The following SAMMSON variants were observed in gnomAD, a reference collection of about 807,000 sequenced individuals.
SAMMSON encodes the protein long intergenic non-protein coding RNA 1212.
chr3:70,417,228 G>A (rs1239971962), intron 2 of SAMMSON, among the ~76,000 whole-genome samples: 1 of 152,082 alleles, frequency 6.6e-6, no homozygotes, highest in Non-Finnish European at 1.5e-5. Context: ...ATTAGGTTTG[G>A]TCAGCCTACT....
chr3:70,258,022 T>C (rs1163816033), intron 6 of SAMMSON, among the ~76,000 whole-genome samples: 2 of 152,156 alleles, frequency 1.3e-5, no homozygotes, highest in African/African-American at 2.4e-5. Context: ...GGTAATTAAA[T>C]GGGGGAAATG....
At chr3:70,121,490 T>C (rs992745805) in intron 4 of SAMMSON, among the ~76,000 whole-genome samples, 11 of 152,202 alleles carry the variant, frequency 7.2e-5, no homozygotes, top group African/African-American at 2.7e-4. Context: ...ACATTTACTT[T>C]AAAGAATTTT....
At chr3:70,430,599 A>G in intron 2 of SAMMSON, among the ~76,000 whole-genome samples, 1 of 152,156 alleles carries the variant, frequency 6.6e-6, no homozygotes, top group East Asian at 1.9e-4. Context: ...TGGTGAAGCC[A>G]AAGAAGAAGC....
intron 3 of SAMMSON, among the ~76,000 whole-genome samples, chr3:70,038,302 T>G (rs1383544670): frequency 6.6e-6 from 1 of 152,116 alleles, no homozygotes; most frequent in African/African-American, 2.4e-5. Flanking sequence ...CCCACAAGAA[T>G]GAGTTGTTAA....
chr3:70,002,250 G>C (rs1576090870), intron 1 of SAMMSON, among the ~76,000 whole-genome samples: 1 of 152,256 alleles, frequency 6.6e-6, no homozygotes, highest in East Asian at 1.9e-4. Context: ...AAATGCAACT[G>C]CTGGGTCAAA....
At chr3:70,010,578 C>G (rs946169838) in intron 1 of SAMMSON, among the ~76,000 whole-genome samples, 1 of 152,214 alleles carries the variant, frequency 6.6e-6, no homozygotes, top group South Asian at 2.1e-4. Context: ...GTTAAAACCC[C>G]AACTTCCTGT....
intron 3 of SAMMSON, among the ~76,000 whole-genome samples, chr3:70,047,020 C>G (rs939727075): frequency 1.3e-5 from 2 of 152,070 alleles, no homozygotes; most frequent in Non-Finnish European, 2.9e-5. Context: ...GTTACACCTG[C>G]GAATTCCCTT....
chr3:70,170,579 C>CTTTTT (rs538385626), intron 4 of SAMMSON, among the ~76,000 whole-genome samples: 23 of 105,484 alleles, frequency 2.2e-4, no homozygotes, highest in East Asian at 2.9e-4. Flanking sequence ...CTAGATTTTC[C>CTTTTT]TTTTTTTTTT....
At chr3:70,006,123 C>T (rs2066925334) in intron 1 of SAMMSON, among the ~76,000 whole-genome samples, 1 of 152,156 alleles carries the variant, frequency 6.6e-6, no homozygotes, top group African/African-American at 2.4e-5. Context: ...TCCCTAAAAC[C>T]TTGCCTGTGC....
chr3:70,202,562 A>C (rs887173798), intron 4 of SAMMSON, among the ~76,000 whole-genome samples: 2 of 152,128 alleles, frequency 1.3e-5, no homozygotes, highest in Non-Finnish European at 2.9e-5. Context: ...GGCTCTAATC[A>C]CTGCTATTGA....
intron 7 of SAMMSON, among the ~76,000 whole-genome samples, chr3:70,340,776 C>A (rs889407747): frequency 6.6e-6 from 1 of 152,080 alleles, no homozygotes; most frequent in African/African-American, 2.4e-5. Flanking sequence ...TGGTCTCCTC[C>A]TGATTTTGCC....
intron 4 of SAMMSON, among the ~76,000 whole-genome samples, chr3:70,147,774 A>C (rs887663145): frequency 9.2e-5 from 14 of 152,046 alleles, no homozygotes. Flanking sequence ...AATATAATCA[A>C]TCCCTAAAAG....
intron 3 of SAMMSON, among the ~76,000 whole-genome samples, chr3:70,026,780 G>A (rs1423977689): frequency 6.6e-6 from 1 of 152,174 alleles, no homozygotes; most frequent in Non-Finnish European, 1.5e-5. Context: ...AACCTACTTG[G>A]TGGAAATATA....
At chr3:70,002,746 C>G (rs928181175) in intron 1 of SAMMSON, among the ~76,000 whole-genome samples, 2 of 152,062 alleles carry the variant, frequency 1.3e-5, no homozygotes, top group African/African-American at 4.8e-5. Context: ...GTTCCAACCT[C>G]TTGAAATTTA....
At chr3:70,393,870 A>G (rs1701070045), downstream of SAMMSON, among the ~76,000 whole-genome samples, 1 of 152,174 alleles carries the variant, frequency 6.6e-6, no homozygotes, top group South Asian at 2.1e-4. Context: ...CTTACTCTAC[A>G]TACATGGAAG....
intron 4 of SAMMSON, among the ~76,000 whole-genome samples, chr3:70,160,557 GTCC>G (rs1249998029): frequency 1.2e-4 from 19 of 152,002 alleles, no homozygotes; most frequent in Admixed American, 1.2e-3. Context: ...CCATATGTCT[GTCC>G]TTATGCCAGT....
intron 7 of SAMMSON, among the ~76,000 whole-genome samples, chr3:70,322,066 C>G (rs1702542689): frequency 6.6e-6 from 1 of 151,904 alleles, no homozygotes; most frequent in Non-Finnish European, 1.5e-5. Flanking sequence ...GTGACTGCAG[C>G]AATATAAAAT....
chr3:70,072,204 T>A (rs1278755525), intron 4 of SAMMSON: 1 of 151,996 alleles, frequency 6.6e-6, no homozygotes, highest in African/African-American at 2.4e-5. Flanking sequence ...AGGTTTTTTC[T>A]GGGTTTACTG....
At chr3:70,255,920 T>G (rs1701811133) in intron 6 of SAMMSON, among the ~76,000 whole-genome samples, 1 of 151,820 alleles carries the variant, frequency 6.6e-6, no homozygotes, top group African/African-American at 2.4e-5. Context: ...AGGAAAAAAA[T>G]TCTAATTACA....
Sources: allele counts gnomAD v4.1 joint callset (sites outside exome capture counted in the v4.1 genomes callset), GRCh38; gene constraint gnomAD v4.1.1; transcripts MANE v1.5; gene names NCBI Gene and HGNC (gene_info 2026-07-23, HGNC 2026-07-21).